Variants in MARK1 observed in about 807,000 individuals in gnomAD.
MARK1 encodes the protein serine/threonine-protein kinase MARK1.
A neutral mutation model predicts 96.3 loss-of-function variants in MARK1; 40 were observed. That is an observed-to-expected ratio of 0.42 (90% confidence interval 0.32 to 0.54). The LOEUF (loss-of-function observed/expected upper bound fraction) is 0.54, where lower values mean the gene tolerates loss of function less well. Ranked by LOEUF, MARK1 falls within the 20% of genes least tolerant of loss-of-function variation. The pLI is 0.16. For missense variants in MARK1, 719 were observed against 984.6 expected (o/e 0.73, Z 3.61); for synonymous variants, 317 against 341.2 (o/e 0.93, Z 0.78).
chr1:220,563,619 A>G (rs1429154128), intron 1 of MARK1, among the ~76,000 whole-genome samples: 1 of 152,194 alleles, frequency 6.6e-6, no homozygotes, highest in Non-Finnish European at 1.5e-5. Context: ...AAAAACAGTG[A>G]TCAGAGAAGA....
At chr1:220,592,492 T>C (rs143608402) in intron 3 of MARK1, among the ~76,000 whole-genome samples, 207 of 151,990 alleles carry the variant, frequency 1.4e-3, no homozygotes, top group African/African-American at 4.5e-3. Flanking sequence ...AGTAGATTCC[T>C]CCCTAGTCAA....
At chr1:220,610,198 G>T (rs756582041) in intron 6 of MARK1, among the ~76,000 whole-genome samples, 57 of 152,160 alleles carry the variant, frequency 3.7e-4, no homozygotes, top group Admixed American at 3.3e-4. Context: ...GTGAAATGTA[G>T]ATTTGGTGTT....
At chr1:220,583,870 G>C (rs1272620595) in intron 3 of MARK1, among the ~76,000 whole-genome samples, 3 of 123,440 alleles carry the variant, frequency 2.4e-5, no homozygotes, top group Non-Finnish European at 4.8e-5. Flanking sequence ...GATTCACCAT[G>C]TTGGCCAGGA....
intron 1 of MARK1, among the ~76,000 whole-genome samples, chr1:220,574,507 G>A (rs1425701364): frequency 6.6e-6 from 1 of 152,114 alleles, no homozygotes; most frequent in African/African-American, 2.4e-5. Context: ...AACTGTTGCT[G>A]TCTGCTTGAG....
chr1:220,541,931 T>C (rs1661175679), intron 1 of MARK1, among the ~76,000 whole-genome samples: 1 of 152,218 alleles, frequency 6.6e-6, no homozygotes, highest in South Asian at 2.1e-4. Context: ...TGTTAACTAT[T>C]TTCCGTCTTG....
intron 6 of MARK1, among the ~76,000 whole-genome samples, chr1:220,606,333 T>C (rs375553727): frequency 6.6e-6 from 1 of 150,766 alleles, no homozygotes; most frequent in African/African-American, 2.4e-5. Context: ...TTTTGAGAAG[T>C]GTCTGTTCAT....
At chr1:220,564,291 C>T (rs1162178853) in intron 1 of MARK1, among the ~76,000 whole-genome samples, 3 of 152,102 alleles carry the variant, frequency 2.0e-5, no homozygotes, top group Non-Finnish European at 4.4e-5. Flanking sequence ...GTATGAGGTA[C>T]TGCACTGGGG....
At position 220,583,268 on chromosome 1, in the gene MARK1, A is replaced by C. The variant is rs149034006; in HGVS notation, c.309+2150A>C. 3.9e-5 allele frequency among the ~76,000 whole-genome samples: 6 copies of C among 152,296 alleles called. No homozygotes were observed. The East Asian group carries it at 1.2e-3, about 29-fold the overall frequency. On this transcript the variant is annotated intron_variant, in intron 3 of 17. Coordinates refer to ENST00000366917, the MANE Select transcript of MARK1 (RefSeq NM_018650.5). ...ATTTGTTCTGGTTTGATCTGAATTT[A>C]AGCTGATCCCTCTCCTTTATCCTCT...
intron 3 of MARK1, among the ~76,000 whole-genome samples, chr1:220,589,871 T>C (rs950081739): frequency 2.0e-5 from 3 of 152,218 alleles, no homozygotes; most frequent in African/African-American, 7.2e-5. Flanking sequence ...ACCTCTATTT[T>C]TTATACTTGT....
At chr1:220,628,005 A>G (rs1667447013) in intron 9 of MARK1, 1 of 152,042 alleles carries the variant, frequency 6.6e-6, no homozygotes. Context: ...TACCGTTTTC[A>G]TTTTTGAGAC....
chr1:220,538,269 G>A (rs1256371346), intron 1 of MARK1, among the ~76,000 whole-genome samples: 4 of 152,122 alleles, frequency 2.6e-5, no homozygotes, highest in African/African-American at 7.2e-5. Context: ...GTGTAAGGAA[G>A]GGATCCAGTT....
chr1:220,581,970 G>A (rs1664274134), intron 3 of MARK1, among the ~76,000 whole-genome samples: 1 of 152,088 alleles, frequency 6.6e-6, no homozygotes, highest in African/African-American at 2.4e-5. Flanking sequence ...GAATATAATG[G>A]GACCATTGTC....
At chr1:220,590,832 T>C (rs533904445) in intron 3 of MARK1, among the ~76,000 whole-genome samples, 2 of 152,288 alleles carry the variant, frequency 1.3e-5, no homozygotes, top group Admixed American at 6.5e-5. Flanking sequence ...TGTTTTTTTC[T>C]CTCTCCTTGT....
At chr1:220,584,355 A>G (rs887684695) in intron 3 of MARK1, among the ~76,000 whole-genome samples, 3 of 152,246 alleles carry the variant, frequency 2.0e-5, no homozygotes, top group African/African-American at 7.2e-5. Flanking sequence ...TTATGTCATT[A>G]TATAATAGAT....
intron 5 of MARK1, among the ~76,000 whole-genome samples, chr1:220,600,596 A>T (rs969894375): frequency 1.3e-5 from 2 of 152,168 alleles, no homozygotes; most frequent in Admixed American, 1.3e-4. Context: ...ATGGGTTGAA[A>T]ATTTATGGAA....
In MARK1 at chr1:220,635,529, G is replaced by C. The variant is rs760900590; in HGVS notation, c.1276G>C (p.Ala426Pro). ...GAAGCAGCGGCGTTTCAGTGATCAT[G>C]GTAGGGGAAAAAGTCACATAAGTGA... ...NQKQRRFSDHAGPSIPPAVSY... is the reference protein window; with the variant it reads ...NQKQRRFSDHPGPSIPPAVSY... The change falls in exon 12 of 18, where the codon GCT becomes CCT. Residue 426 changes from alanine to proline, a missense_variant and splice_region_variant. Around this residue, in one of 4 missense-constraint regions of MARK1, gnomAD observed 501 missense variants for 588.3 expected, o/e 0.85. Coordinates refer to ENST00000366917, the MANE Select transcript of MARK1 (RefSeq NM_018650.5). The C allele has an allele frequency of 6.2e-7, 1 of 1,601,482 alleles. No individual in the cohort carries two copies. Among genetic ancestry groups the C allele is most frequent in the Admixed American group, 1.8e-5 (1 of 55,724 alleles).
intron 4 of MARK1, among the ~76,000 whole-genome samples, chr1:220,598,922 C>T (rs552799230): frequency 2.6e-5 from 4 of 151,644 alleles, no homozygotes; most frequent in African/African-American, 4.8e-5. Context: ...GAGGTTGCAG[C>T]GAGCCAAGAT....
chr1:220,639,321 A>G (rs1242893369), intron 13 of MARK1, among the ~76,000 whole-genome samples: 3 of 152,170 alleles, frequency 2.0e-5, no homozygotes, highest in Non-Finnish European at 4.4e-5. Flanking sequence ...ACAGAGCATT[A>G]TTTTATTTTA....
chr1:220,609,581 A>G (rs1053089141), intron 6 of MARK1, among the ~76,000 whole-genome samples: 5 of 152,152 alleles, frequency 3.3e-5, no homozygotes, highest in Non-Finnish European at 7.3e-5. Context: ...TTAGGTGTGA[A>G]TTTGCTCCTG....
Sources: allele counts gnomAD v4.1 joint callset (sites outside exome capture counted in the v4.1 genomes callset), GRCh38; gene constraint gnomAD v4.1.1; regional missense constraint gnomAD v4.1.1; transcripts MANE v1.5; gene names NCBI Gene and HGNC (gene_info 2026-07-23, HGNC 2026-07-21).